The following SLC9A9 variants were observed in gnomAD, a reference collection of about 807,000 sequenced individuals.
SLC9A9 encodes sodium/hydrogen exchanger 9.
In SLC9A9, 62 loss-of-function variants were observed where a neutral mutation model predicts 77.8. The ratio of observed to expected loss-of-function variants is 0.80; its 90% CI spans 0.65 to 0.98. SLC9A9 has a LOEUF of 0.98. SLC9A9 is among the 50% of genes least tolerant of loss of function. The pLI, the probability that SLC9A9 is intolerant of heterozygous loss-of-function variation, is 0.00. For synonymous variants in SLC9A9, 320 were observed against 283.5 expected, an observed-to-expected ratio of 1.13 and a Z score of -1.29; for missense variants, 775 against 774.9, an observed-to-expected ratio of 1.00 and a Z score of 0.00.
intron 6 of SLC9A9, among the ~76,000 whole-genome samples, chr3:143,626,450 G>C (rs1010034193): frequency 2.6e-5 from 4 of 152,288 alleles, no homozygotes; most frequent in African/African-American, 9.6e-5. Flanking sequence ...AAAATGATGA[G>C]TTCATATCCT....
intron 12 of SLC9A9, among the ~76,000 whole-genome samples, chr3:143,450,152 T>C (rs1413885211): frequency 7.7e-6 from 1 of 130,174 alleles, no homozygotes; most frequent in African/African-American, 2.9e-5. Context: ...ATTTAATATA[T>C]ATTATATAAT....
At position 143,270,130 on chromosome 3, in the gene SLC9A9, T is replaced by A. The variant is rs1045294241; in HGVS notation, c.1605-1150A>T. Among the ~76,000 whole-genome samples the A allele has an allele frequency of 3.9e-5, 6 of 152,270 alleles. No homozygotes were observed. The South Asian group carries it at 8.3e-4, about 21-fold the overall frequency. ...TGTTAGGAGGGCCTGCAATTCCAAT[T>A]GCAAATAGAAAAGTTGATCCCTCCT... is the stretch of plus-strand genomic sequence containing the variant. On this transcript the variant is annotated intron_variant, in intron 14 of 15. Coordinates refer to ENST00000316549, the MANE Select transcript of SLC9A9 (RefSeq NM_173653.4).
chr3:143,338,079 C>G (rs546107602), intron 14 of SLC9A9, among the ~76,000 whole-genome samples: 2 of 152,250 alleles, frequency 1.3e-5, no homozygotes, highest in African/African-American at 4.8e-5. Context: ...ACTCACATAT[C>G]TTTGGAGAGA....
chr3:143,451,834 G>A (rs2035013722), intron 12 of SLC9A9, among the ~76,000 whole-genome samples: 2 of 152,002 alleles, frequency 1.3e-5, no homozygotes, highest in South Asian at 2.1e-4. Flanking sequence ...GCAAATTTGA[G>A]TATTTCCTCT....
At position 143,377,942 on chromosome 3, in the gene SLC9A9, C is replaced by G. The variant is rs143571136; in HGVS notation, c.1524+4118G>C. Among the ~76,000 whole-genome samples the G allele has an allele frequency of 3.2e-3, 488 of 152,340 alleles. 4 individuals are homozygous for G. The highest frequency in any genetic ancestry group is 0.011 in the African/African-American group (465 of 41,580). On this transcript the variant is annotated intron_variant, in intron 13 of 15. Coordinates refer to ENST00000316549, the MANE Select transcript of SLC9A9 (RefSeq NM_173653.4). The stretch of plus-strand genomic sequence containing the variant: ...TTGTGCACACCATAACCCACTGTGA[C>G]TCCAATGCCTCCATACTTGCTGTAG...
rs112332809 is a variant in SLC9A9 at position 143,631,177 on chromosome 3, G to A, written c.755+21078C>T. ...AACTCTAAATCCTTCAAATTAGTCC[G>A]CAAGTTACTGATGAGAGGCCAAGTG... On this transcript the variant is annotated intron_variant, in intron 6 of 15. Transcript: ENST00000316549. Among the ~76,000 whole-genome samples the A allele has an allele frequency of 3.2e-3, 482 of 152,136 alleles. 3 individuals are homozygous for A. The highest frequency in any genetic ancestry group is 0.011 in the African/African-American group (455 of 41,536).
At chr3:143,349,829 A>G (rs1559878269) in intron 14 of SLC9A9, among the ~76,000 whole-genome samples, 1 of 152,230 alleles carries the variant, frequency 6.6e-6, no homozygotes, top group Admixed American at 6.5e-5. Flanking sequence ...ACAAAATACT[A>G]AAATAAGTAT....
chr3:143,651,596 G>A (rs1191794530), intron 6 of SLC9A9, among the ~76,000 whole-genome samples: 1 of 152,180 alleles, frequency 6.6e-6, no homozygotes, highest in East Asian at 1.9e-4. Context: ...ACCAAGAAGA[G>A]ACCTCTGACA....
intron 14 of SLC9A9, among the ~76,000 whole-genome samples, chr3:143,292,090 A>G (rs2030021650): frequency 6.6e-6 from 1 of 152,180 alleles, no homozygotes; most frequent in Non-Finnish European, 1.5e-5. Context: ...ATGAGCCAGG[A>G]GCTTTAGAAC....
At chr3:143,723,308 C>T (rs1479268285) in intron 4 of SLC9A9, among the ~76,000 whole-genome samples, 2 of 151,924 alleles carry the variant, frequency 1.3e-5, no homozygotes, top group Non-Finnish European at 2.9e-5. Flanking sequence ...AAGGTCAAGA[C>T]AAAAATTTGA....
chr3:143,762,914 A>T (rs1223415152), intron 4 of SLC9A9, among the ~76,000 whole-genome samples: 9 of 152,158 alleles, frequency 5.9e-5, no homozygotes, highest in Non-Finnish European at 1.0e-4. Context: ...ACTCAGATCA[A>T]CTCAGACAAA....
intron 13 of SLC9A9, among the ~76,000 whole-genome samples, chr3:143,369,255 A>ATATC (rs2032987766): frequency 6.6e-6 from 1 of 152,230 alleles, no homozygotes. Flanking sequence ...CTTAAAGTGT[A>ATATC]TATCTATGTA....
intron 4 of SLC9A9, among the ~76,000 whole-genome samples, chr3:143,700,348 G>C (rs528222921): frequency 6.6e-6 from 1 of 152,266 alleles, no homozygotes; most frequent in African/African-American, 2.4e-5. Context: ...TCAGGTATCT[G>C]CTCAGCAACA....
At chr3:143,399,387 T>G (rs1377781446) in intron 12 of SLC9A9, among the ~76,000 whole-genome samples, 2 of 152,146 alleles carry the variant, frequency 1.3e-5, no homozygotes, top group Non-Finnish European at 2.9e-5. Flanking sequence ...AAAAAGAAAT[T>G]AAATATTTAA....
intron 1 of SLC9A9, among the ~76,000 whole-genome samples, chr3:143,842,374 C>A (rs2009729744): frequency 6.6e-6 from 1 of 152,098 alleles, no homozygotes; most frequent in Admixed American, 6.5e-5. Context: ...GAGCGAGACT[C>A]CGTCTCAAAA....
intron 4 of SLC9A9, among the ~76,000 whole-genome samples, chr3:143,793,500 C>A (rs1338525373): frequency 1.3e-5 from 2 of 152,146 alleles, no homozygotes; most frequent in African/African-American, 4.8e-5. Flanking sequence ...TATTATAGAA[C>A]CACTAAAATA....
At chr3:143,292,907 G>T (rs1336999386) in intron 14 of SLC9A9, among the ~76,000 whole-genome samples, 1 of 152,040 alleles carries the variant, frequency 6.6e-6, no homozygotes, top group East Asian at 1.9e-4. Context: ...GCCTGGGGCT[G>T]GTTAATGCTG....
intron 14 of SLC9A9, among the ~76,000 whole-genome samples, chr3:143,306,645 T>C (rs540552603): frequency 5.9e-4 from 90 of 152,280 alleles, no homozygotes; most frequent in Non-Finnish European, 1.2e-3. Context: ...ACATAAAACC[T>C]GACCCAGGTC....
intron 9 of SLC9A9, among the ~76,000 whole-genome samples, chr3:143,539,483 A>G (rs1486149952): frequency 6.6e-6 from 1 of 152,236 alleles, no homozygotes; most frequent in African/African-American, 2.4e-5. Context: ...TCAGGCACAC[A>G]TATTCAGCCT....
Sources: gnomAD v4.1 joint callset for allele counts (sites outside exome capture counted in the v4.1 genomes callset) on GRCh38, gnomAD v4.1.1 for gene constraint, MANE v1.5 for transcripts, NCBI Gene and HGNC (gene_info 2026-07-23, HGNC 2026-07-21) for gene names.